MTMR2: variants seen among roughly 807,000 people sequenced by gnomAD.
MTMR2 encodes the protein myotubularin related protein 2.
A neutral mutation model predicts 86.9 loss-of-function variants in MTMR2; 55 were observed. The observed-to-expected ratio is 0.63, with a 90% CI of 0.51 to 0.79. MTMR2 has a LOEUF of 0.79. MTMR2 is among the 30% of genes least tolerant of loss of function. The pLI is 0.00. For synonymous variants in MTMR2, 241 were observed against 266.8 expected, an observed-to-expected ratio of 0.90 and a Z score of 0.94; for missense variants, 659 against 772.3, an observed-to-expected ratio of 0.85 and a Z score of 1.74.
At chr11:95,859,888 G>A (rs972889259) in intron 5 of MTMR2, among the ~76,000 whole-genome samples, 4 of 151,994 alleles carry the variant, frequency 2.6e-5, no homozygotes, top group African/African-American at 7.2e-5. Flanking sequence ...AAACATGTGC[G>A]GGAACCTAAG....
intron 12 of MTMR2, chr11:95,840,259 A>G (rs1242815284): frequency 6.6e-6 from 1 of 152,184 alleles, no homozygotes; most frequent in Non-Finnish European, 1.5e-5. Flanking sequence ...ACCATCAACA[A>G]TACCACAGTT....
At chr11:95,835,506 C>CA (rs1863228574) in intron 14 of MTMR2, 55 bp from the exon 15 acceptor site, 2 of 1,550,234 alleles carry the variant, frequency 1.3e-6, no homozygotes, top group African/African-American at 1.4e-5. Flanking sequence ...AAAGCCAGGT[C>CA]AAATCATTCC....
chr11:95,920,475 C>T (rs912754108), intron 1 of MTMR2, among the ~76,000 whole-genome samples: 1 of 131,088 alleles, frequency 7.6e-6, no homozygotes, highest in Non-Finnish European at 1.6e-5. Context: ...GCCCAGCTGA[C>T]GATTACTTTT....
chr11:95,838,218 A>C lies in MTMR2; in HGVS notation c.1480-11T>G. On this transcript the variant is annotated splice_polypyrimidine_tract_variant and intron_variant, in intron 12 of 14. Transcript: ENST00000346299. The stretch of plus-strand genomic sequence containing the variant: ...AAATGCGGTAGGAAACTGCAAATCA[A>C]ACATCACAAACACATAAATTAAGAC... 7.5e-7 allele frequency: 1 copy of C among 1,337,618 alleles called. No homozygotes were observed. The highest frequency in any genetic ancestry group is 1.1e-6 in the Non-Finnish European group (1 of 928,632). The allele number at this position is 1,337,618 out of a possible 1,614,324, so 82.9% of individuals were successfully genotyped here.
intron 13 of MTMR2, among the ~76,000 whole-genome samples, chr11:95,837,376 G>C (rs531076216): frequency 4.6e-5 from 7 of 152,008 alleles, no homozygotes; most frequent in African/African-American, 1.2e-4. Context: ...TATTCCTACT[G>C]TGCTTTATAA....
At chr11:95,905,701 A>G (rs1866249377) in intron 1 of MTMR2, among the ~76,000 whole-genome samples, 1 of 152,166 alleles carries the variant, frequency 6.6e-6, no homozygotes, top group African/African-American at 2.4e-5. Context: ...GACTCAATAA[A>G]TATTTGTTTA....
At chr11:95,862,166 T>A in intron 4 of MTMR2, 64 bp from the exon 5 acceptor site, 1 of 1,539,098 alleles carries the variant, frequency 6.5e-7, no homozygotes, top group Non-Finnish European at 9.0e-7. Context: ...ATAGAGCTGA[T>A]CAAAATCTTA....
At chr11:95,845,528 T>C (rs1863749875) in intron 10 of MTMR2, among the ~76,000 whole-genome samples, 1 of 152,112 alleles carries the variant, frequency 6.6e-6, no homozygotes. Context: ...AATTGAAGCC[T>C]TGTTATGATT....
At position 95,839,365 on chromosome 11, in the gene MTMR2, C is replaced by T. The variant is rs570597315; in HGVS notation, c.1480-1158G>A. ...AAATAAATCCCACCTATTTTTCACA[C>T]TCTTAACAGCCCTATTATTAGCGAA... On this transcript the variant is annotated intron_variant, in intron 12 of 14. Coordinates refer to ENST00000346299, the MANE Select transcript of MTMR2 (RefSeq NM_016156.6). Among the ~76,000 whole-genome samples the T allele has an allele frequency of 3.9e-5, 6 of 152,142 alleles. No individual in the cohort carries two copies. The East Asian group carries it at 9.7e-4, about 25-fold the overall frequency.
intron 1 of MTMR2, among the ~76,000 whole-genome samples, chr11:95,896,706 A>C (rs1037024244): frequency 7.2e-5 from 11 of 152,074 alleles, no homozygotes; most frequent in Non-Finnish European, 1.3e-4. Flanking sequence ...ATAAAACAAA[A>C]AAGAAATCTG....
At position 95,858,554 on chromosome 11, in the gene MTMR2, C is replaced by A. The variant is rs142155860; in HGVS notation, c.547G>T (p.Ala183Ser). Residue 183 changes from alanine (A) to serine (S), a missense_variant, in exon 6 of 15, where the codon GCA becomes TCA. Ala to Ser is a moderately conservative substitution (Grantham distance 99). Around this residue, in one of 3 missense-constraint regions of MTMR2, gnomAD observed 387 missense variants for 526.3 expected, o/e 0.74. Transcript: ENST00000346299. ...ACCAGGTTATTAGAGACAGGAAATG[C>A]ATATTTCATTAGATTCTCAAATATG... is the stretch of plus-strand genomic sequence containing the variant. ...RSIFENLMKY[A>S]FPVSNNLPLF... 2.2e-3 allele frequency: 3,486 copies of A among 1,611,186 alleles called. 73 individuals are homozygous for A. Among genetic ancestry groups the A allele is most frequent in the Non-Finnish European group, 2.7e-4 (320 of 1,177,660 alleles).
chr11:95,916,229 T>G (rs1272279543), intron 1 of MTMR2, among the ~76,000 whole-genome samples: 5 of 152,122 alleles, frequency 3.3e-5, no homozygotes, highest in African/African-American at 1.2e-4. Flanking sequence ...ACCCATTCTC[T>G]CCTATTCCTC....
chr11:95,910,823 C>T (rs1005666885), intron 1 of MTMR2, among the ~76,000 whole-genome samples: 3 of 151,890 alleles, frequency 2.0e-5, no homozygotes, highest in African/African-American at 4.8e-5. Flanking sequence ...TAACACAATG[C>T]ACTATAGTAT....
At chr11:95,853,143 TA>T (rs1391026004) in intron 7 of MTMR2, among the ~76,000 whole-genome samples, 3 of 149,998 alleles carry the variant, frequency 2.0e-5, no homozygotes, top group Non-Finnish European at 4.4e-5. Flanking sequence ...TATATATACT[TA>T]TATATTTTTT....
At chr11:95,901,595 G>A (rs534475105) in intron 1 of MTMR2, among the ~76,000 whole-genome samples, 328 of 152,302 alleles carry the variant, frequency 2.2e-3, no homozygotes, top group Non-Finnish European at 3.6e-3. Flanking sequence ...CAGAGAGAGA[G>A]AGAGAAGCAG....
At chr11:95,919,039 G>A (rs1157396021) in intron 1 of MTMR2, among the ~76,000 whole-genome samples, 1 of 152,132 alleles carries the variant, frequency 6.6e-6, no homozygotes, top group African/African-American at 2.4e-5. Flanking sequence ...GTTCTGCCAT[G>A]TGACCCTGGC....
Position 95,833,949 on chromosome 11 carries a change from A to G in MTMR2, c.*1341T>C, listed in dbSNP as rs1186147759. ...GAATTAGTGAGTGGAAAAACACTGT[A>G]TATTTTAATTGTTTGATTTGGGTGT... On this transcript the variant is annotated 3_prime_UTR_variant, in exon 15 of 15. Coordinates refer to ENST00000346299, the MANE Select transcript of MTMR2 (RefSeq NM_016156.6). 1 of 151,962 alleles carries G rather than the reference A, an allele frequency of 6.6e-6. No homozygotes were observed. Among genetic ancestry groups the G allele is most frequent in the Non-Finnish European group, 1.5e-5 (1 of 67,862 alleles). 9.4% of individuals were successfully genotyped at this position (151,962 alleles called of 1,614,324 possible).
chr11:95,835,170 TAAATA>T lies in MTMR2; in HGVS notation c.*115_*119del. 9.2e-7 allele frequency: 1 copy of T among 1,084,018 alleles called. No individual in the cohort carries two copies. The highest frequency in any genetic ancestry group is 2.1e-4 in the Middle Eastern group (1 of 4,782). The allele number at this position is 1,084,018 out of a possible 1,614,324, so 67.1% of individuals were successfully genotyped here. A position where few individuals can be genotyped will look rare whatever the true frequency, so the allele number is the denominator to read the frequency against. ...AAACTCATCCTAGAGAGATTTAAAATAAATAAAGTGACTGAACTTTCTCTCATAGA... is the reference window on the plus strand; with the variant it reads ...AAACTCATCCTAGAGAGATTTAAAATAAGTGACTGAACTTTCTCTCATAGA... On this transcript the variant is annotated 3_prime_UTR_variant, in exon 15 of 15. Transcript: ENST00000346299.
chr11:95,915,964 C>T (rs1866682330), intron 1 of MTMR2, among the ~76,000 whole-genome samples: 1 of 152,100 alleles, frequency 6.6e-6, no homozygotes. Context: ...TTATAAAAAT[C>T]TGACCCAAGA....
Sources: gnomAD v4.1 joint callset for allele counts (sites outside exome capture counted in the v4.1 genomes callset) on GRCh38, gnomAD v4.1.1 for gene constraint, gnomAD v4.1.1 regional missense constraint, MANE v1.5 for transcripts, NCBI Gene and HGNC (gene_info 2026-07-23, HGNC 2026-07-21) for gene names.